RBFOX1: variants seen among roughly 807,000 people sequenced by gnomAD.
RBFOX1 encodes RNA binding protein fox-1 homolog 1.
A neutral mutation model predicts 57.7 loss-of-function variants in RBFOX1; 8 were observed. That is an observed-to-expected ratio of 0.14 (90% CI 0.08 to 0.25). The LOEUF (loss-of-function observed/expected upper bound fraction) is 0.25. Ranked by LOEUF, RBFOX1 falls within the 10% of genes least tolerant of loss-of-function variation. The probability of loss-of-function intolerance (pLI) is 1.00; values close to 1 mark genes in which losing one functional copy is unlikely to be tolerated. For synonymous variants in RBFOX1, 326 were observed against 222.4 expected (o/e 1.47, Z -4.15); for missense variants, 611 against 548.5 (o/e 1.11, Z -1.14).
chr16:7,570,920 A>T (rs552932744), intron 5 of RBFOX1, among the ~76,000 whole-genome samples: 59 of 152,210 alleles, frequency 3.9e-4, no homozygotes, highest in Non-Finnish European at 7.1e-4. Context: ...GAAGAAGATT[A>T]TGTTCTTTGC....
At position 7,604,644 on chromosome 16, in the gene RBFOX1, A is replaced by G. The variant is rs113972492; in HGVS notation, c.623-2641A>G. On this transcript the variant is annotated intron_variant, in intron 9 of 15. Transcript: ENST00000550418. ...TAGATAGATCAGTAGATAGATGGAT[A>G]GGTGGGTAGGCAGATGAGATAAACA... Among the ~76,000 whole-genome samples the G allele has an allele frequency of 3.2e-3, 486 of 152,358 alleles. 8 individuals are homozygous for G. Among genetic ancestry groups the G allele is most frequent in the African/African-American group, 0.011 (457 of 41,578 alleles).
intron 2 of RBFOX1, among the ~76,000 whole-genome samples, chr16:6,556,004 G>A (rs1555547861): frequency 2.6e-5 from 4 of 151,988 alleles, no homozygotes; most frequent in Admixed American, 2.6e-4. Flanking sequence ...ACATTTTTTT[G>A]TCCTTGGTAA....
chr16:6,805,828 C>T (rs1603627111), intron 3 of RBFOX1, among the ~76,000 whole-genome samples: 1 of 152,166 alleles, frequency 6.6e-6, no homozygotes, highest in Non-Finnish European at 1.5e-5. Context: ...TTGTCCTCAG[C>T]ATCTATCTCC....
chr16:6,935,127 C>T (rs1439614341), intron 3 of RBFOX1, among the ~76,000 whole-genome samples: 2 of 152,074 alleles, frequency 1.3e-5, no homozygotes, highest in African/African-American at 2.4e-5. Context: ...GCTTATTTAA[C>T]CTATTCGAGT....
intron 2 of RBFOX1, among the ~76,000 whole-genome samples, chr16:6,372,263 T>C (rs930104037): frequency 1.3e-5 from 2 of 151,702 alleles, no homozygotes; most frequent in African/African-American, 4.8e-5. Flanking sequence ...AGAGATTGGG[T>C]GGAAGTATAC....
chr16:5,496,817 G>C (rs770145712), intron 2 of RBFOX1, among the ~76,000 whole-genome samples: 15 of 152,118 alleles, frequency 9.9e-5, no homozygotes, highest in African/African-American at 3.6e-4. Context: ...CAATTAAAAA[G>C]TGCATAAACC....
intron 3 of RBFOX1, among the ~76,000 whole-genome samples, chr16:6,736,975 CT>C (rs1175919624): frequency 2.6e-5 from 4 of 152,136 alleles, no homozygotes; most frequent in Non-Finnish European, 5.9e-5. Flanking sequence ...CCTGTGTGCC[CT>C]GTATTCGCCA....
chr16:6,794,280 AT>A (rs372963833), intron 3 of RBFOX1, among the ~76,000 whole-genome samples: 20,983 of 125,030 alleles, frequency 0.17, 2,260 homozygotes, highest in African/African-American at 0.3. Context: ...CTTGTTCGTG[AT>A]TTTTTTTTTT....
intron 4 of RBFOX1, among the ~76,000 whole-genome samples, chr16:5,912,831 G>A (rs1486551658): frequency 6.6e-6 from 1 of 152,180 alleles, no homozygotes; most frequent in African/African-American, 2.4e-5. Flanking sequence ...TGAAAGTGAA[G>A]TTCTAATGAG....
intron 4 of RBFOX1, among the ~76,000 whole-genome samples, chr16:7,297,720 AT>A (rs1369483759): frequency 6.6e-6 from 1 of 152,184 alleles, no homozygotes. Flanking sequence ...AGCAATGATG[AT>A]AATATAACTG....
chr16:5,628,769 C>T (rs2048416842), intron 3 of RBFOX1, among the ~76,000 whole-genome samples: 1 of 152,092 alleles, frequency 6.6e-6, no homozygotes, highest in Admixed American at 6.6e-5. Context: ...TTTTATATCC[C>T]CAAGAAATAT....
intron 4 of RBFOX1, among the ~76,000 whole-genome samples, chr16:5,956,954 G>T (rs116441886): frequency 2.4e-3 from 369 of 151,854 alleles, no homozygotes; most frequent in African/African-American, 8.5e-3. Flanking sequence ...ACATGCCTGA[G>T]CCACTGCGCC....
chr16:7,589,784 C>T (rs946413282), intron 7 of RBFOX1, among the ~76,000 whole-genome samples: 1 of 151,920 alleles, frequency 6.6e-6, no homozygotes, highest in African/African-American at 2.4e-5. Flanking sequence ...TCATTTTCAT[C>T]GTTTGGTGCT....
chr16:6,755,000 C>A (rs565774875), intron 3 of RBFOX1, among the ~76,000 whole-genome samples: 1 of 152,058 alleles, frequency 6.6e-6, no homozygotes, highest in Non-Finnish European at 1.5e-5. Context: ...TGATGATTTC[C>A]AATTTCATCC....
intron 3 of RBFOX1, among the ~76,000 whole-genome samples, chr16:5,658,767 T>TATATATA (rs1567358622): frequency 7.0e-6 from 1 of 143,226 alleles, no homozygotes; most frequent in African/African-American, 2.7e-5. Flanking sequence ...TATGTGTATG[T>TATATATA]ATATATGTAT....
chr16:7,049,692 C>G (rs781169036), intron 3 of RBFOX1, among the ~76,000 whole-genome samples: 24 of 152,130 alleles, frequency 1.6e-4, no homozygotes, highest in Middle Eastern at 3.4e-3. Context: ...TTTGTTCCCC[C>G]CTCCACTTGC....
chr16:5,563,858 C>G (rs776992400), intron 2 of RBFOX1, among the ~76,000 whole-genome samples: 3 of 152,152 alleles, frequency 2.0e-5, no homozygotes, highest in Admixed American at 2.0e-4. Context: ...CCATCTCTAG[C>G]TGTTGGTAAC....
chr16:7,097,158 G>C (rs778888156), intron 4 of RBFOX1, among the ~76,000 whole-genome samples: 2 of 152,084 alleles, frequency 1.3e-5, no homozygotes, highest in East Asian at 1.9e-4. Context: ...TGGTGACTTC[G>C]AGCAAGACTT....
At chr16:5,837,541 C>T (rs2056498997) in intron 3 of RBFOX1, among the ~76,000 whole-genome samples, 1 of 152,048 alleles carries the variant, frequency 6.6e-6, no homozygotes, top group South Asian at 2.1e-4. Context: ...CCACACAGTC[C>T]CTTGTGTTGG....
Sources: allele counts gnomAD v4.1 joint callset (sites outside exome capture counted in the v4.1 genomes callset), GRCh38; gene constraint gnomAD v4.1.1; transcripts MANE v1.5; gene names NCBI Gene and HGNC (gene_info 2026-07-23, HGNC 2026-07-21).